ZNF521: variants seen among roughly 807,000 people sequenced by gnomAD.
ZNF521 encodes the protein LYST-interacting protein 3.
ZNF521 carries 14 observed loss-of-function variants against 105.5 expected under a neutral mutation model. The observed-to-expected ratio is 0.13, with a 90% confidence interval of 0.09 to 0.21. ZNF521 has a LOEUF of 0.21. Ranked by LOEUF, ZNF521 falls within the 10% of genes least tolerant of loss-of-function variation. The pLI is 1.00. For missense variants in ZNF521, 1,233 were observed against 1,629.7 expected (o/e 0.76, Z 4.19); for synonymous variants, 635 against 606.0 (o/e 1.05, Z -0.70).
intron 3 of ZNF521, among the ~76,000 whole-genome samples, chr18:25,308,649 T>TGG: frequency 2.7e-5 from 1 of 37,236 alleles, no homozygotes; most frequent in South Asian, 9.6e-4. Flanking sequence ...CTTAATGACA[T>TGG]CCCCCCCCCC....
Position 25,226,721 on chromosome 18 carries a change from T to C in ZNF521, c.1197A>G (p.Lys399=), listed in dbSNP as rs1906164735. The C allele has an allele frequency of 6.2e-7, 1 of 1,614,138 alleles. No individual in the cohort carries two copies. The highest frequency in any genetic ancestry group is 1.7e-5 in the Admixed American group (1 of 60,030). ...TACAGCTGTAGGTAACTTTTGCTTG[T>C]TTACTCGAGGGACCAGTCATGTCAG... The part of the protein sequence containing the change: ...QTPDMTGPSS[K]QAKVTYSCIY... Residue 399 remains lysine, a synonymous_variant, in exon 4 of 8, where the codon AAA becomes AAG. Coordinates refer to ENST00000361524, the MANE Select transcript of ZNF521 (RefSeq NM_015461.3). The surrounding 1 kb of genome is among the most constrained non-coding windows in gnomAD (Gnocchi z 4.1).
At chr18:25,252,385 C>T (rs1414665247) in intron 3 of ZNF521, among the ~76,000 whole-genome samples, 1 of 152,062 alleles carries the variant, frequency 6.6e-6, no homozygotes, top group Non-Finnish European at 1.5e-5. Flanking sequence ...CCTATTTTTC[C>T]ATCTGCTCCA....
At chr18:25,085,439 C>T (rs1249808726) in intron 7 of ZNF521, among the ~76,000 whole-genome samples, 1 of 151,758 alleles carries the variant, frequency 6.6e-6, no homozygotes, top group African/African-American at 2.4e-5. Flanking sequence ...TCTTAAAGGA[C>T]TTGTGGTTTG....
intron 2 of ZNF521, 61 bp downstream of exon 2, chr18:25,350,846 C>T: frequency 2.0e-6 from 3 of 1,532,926 alleles, no homozygotes. Flanking sequence ...AGCCCTCGCT[C>T]CGCTACCCAC....
At chr18:25,231,924 T>A (rs1264104061) in intron 3 of ZNF521, among the ~76,000 whole-genome samples, 3 of 152,182 alleles carry the variant, frequency 2.0e-5, no homozygotes, top group Non-Finnish European at 4.4e-5. Flanking sequence ...AAACTTCTGA[T>A]AATGTTCTTC....
intron 3 of ZNF521, among the ~76,000 whole-genome samples, chr18:25,243,531 A>C (rs985913765): frequency 5.9e-5 from 9 of 152,238 alleles, no homozygotes; most frequent in Non-Finnish European, 1.2e-4. Context: ...TGGTGTCAAA[A>C]TAACTGAAAT....
rs533624906 is a variant in ZNF521 at position 25,233,907 on chromosome 18, C to T, written c.221-6210G>A. On this transcript the variant is annotated intron_variant, in intron 3 of 7. Coordinates refer to ENST00000361524, the MANE Select transcript of ZNF521 (RefSeq NM_015461.3). ...GTTGCTTAAAGTTCATTTGAACAGA[C>T]GGAGCTCAATGAATTCCATCTTCCG... Among the ~76,000 whole-genome samples, 5 of 152,248 alleles carry T rather than the reference C, an allele frequency of 3.3e-5. No individual in the cohort carries two copies. In the East Asian group the frequency reaches 9.6e-4, roughly 29 times the overall value.
intron 2 of ZNF521, chr18:25,322,485 T>C: frequency 2.6e-6 from 1 of 385,504 alleles, no homozygotes; most frequent in Non-Finnish European, 4.9e-6. Context: ...AGCCTTTTAG[T>C]TTTCGCTTAA....
chr18:25,226,055 C>T lies in ZNF521; in HGVS notation c.1863G>A (p.Gln621=). 6.2e-7 allele frequency: 1 copy of T among 1,614,174 alleles called. No individual in the cohort carries two copies. Among genetic ancestry groups the T allele is most frequent in the Non-Finnish European group, 8.5e-7 (1 of 1,180,018 alleles). ...GACGTGCAGGTGCACCTCCTACTGC[C>T]TGCATCATCTTAAGAGATGTCTGCT... The part of the protein sequence containing the change: ...AIEQTSLKMM[Q]AVGGAPARPT... Residue 621 remains glutamine, a synonymous_variant, in exon 4 of 8, where the codon CAG becomes CAA. Transcript: ENST00000361524. The surrounding 1 kb of genome is among the most constrained non-coding windows in gnomAD (Gnocchi z 4.1).
chr18:25,091,333 C>T (rs958633963), intron 6 of ZNF521, among the ~76,000 whole-genome samples: 1 of 150,126 alleles, frequency 6.7e-6, no homozygotes, highest in African/African-American at 2.5e-5. Flanking sequence ...TTCAGATTTA[C>T]TTTTTTTTTT....
intron 7 of ZNF521, among the ~76,000 whole-genome samples, chr18:25,073,250 T>C (rs990773204): frequency 6.6e-6 from 1 of 152,246 alleles, no homozygotes; most frequent in Non-Finnish European, 1.5e-5. Context: ...CTTAAATTGA[T>C]AATTGCTCAG....
At chr18:25,313,423 C>T (rs551802832) in intron 3 of ZNF521, among the ~76,000 whole-genome samples, 4 of 151,768 alleles carry the variant, frequency 2.6e-5, no homozygotes, top group Admixed American at 6.6e-5. Context: ...CAAGTAAAAG[C>T]TCCTTGTCAC....
rs1908754311 is a variant in ZNF521, at chr18:25,259,458, C to T, written c.221-31761G>A. On this transcript the variant is annotated intron_variant, in intron 3 of 7. Coordinates refer to ENST00000361524, the MANE Select transcript of ZNF521 (RefSeq NM_015461.3). ...TGTACACTGTGATGCACTCAAGGGG[C>T]TAATATCTAGCTGGGGATCAGATTA... is the stretch of plus-strand genomic sequence containing the variant. Among the ~76,000 whole-genome samples the T allele has an allele frequency of 2.0e-5, 3 of 152,236 alleles. No homozygotes were observed. The South Asian group carries it at 6.2e-4, about 32-fold the overall frequency.
chr18:25,283,850 T>G (rs954904649), intron 3 of ZNF521, among the ~76,000 whole-genome samples: 1 of 151,904 alleles, frequency 6.6e-6, no homozygotes, highest in Non-Finnish European at 1.5e-5. Context: ...ACGGAATCAG[T>G]TGAAGAAAAA....
At chr18:25,109,352 T>G (rs1371868027) in intron 5 of ZNF521, among the ~76,000 whole-genome samples, 2 of 152,194 alleles carry the variant, frequency 1.3e-5, no homozygotes, top group Non-Finnish European at 2.9e-5. Context: ...TATCCAATCA[T>G]CCATTGATGG....
chr18:25,350,814 C>T, intron 2 of ZNF521, 93 bp downstream of exon 2: 4 of 1,411,000 alleles, frequency 2.8e-6, no homozygotes, highest in Non-Finnish European at 3.8e-6. Flanking sequence ...CACTCACGCG[C>T]GCACACGCCT....
At position 25,227,941 on chromosome 18, in the gene ZNF521, C is replaced by A. The variant is rs1325920215; in HGVS notation, c.221-244G>T. Among the ~76,000 whole-genome samples the A allele has an allele frequency of 6.6e-6, 1 of 152,092 alleles. No homozygotes were observed. The highest frequency in any genetic ancestry group is 1.5e-5 in the Non-Finnish European group (1 of 68,012). On this transcript the variant is annotated intron_variant, in intron 3 of 7. Transcript: ENST00000361524. This position sits in a 1 kb window ranked among gnomAD's most constrained non-coding sequence, Gnocchi z 5.7. ...ATTAAATAGTTCTATGTCTAAATTA[C>A]CCTTTTATTACTTTTTATCATTCTT...
In ZNF521 at chr18:25,322,088, T is replaced by C; in HGVS notation, c.140A>G (p.His47Arg). Residue 47 changes from histidine to arginine, a missense_variant, in exon 3 of 8, where the codon CAC becomes CGC. Transcript: ENST00000361524. ...DGEELEDEAV[H>R]SCDSCLQVFE... is the part of the protein sequence containing the mutation. ...CACCTGGAGGCAGCTGTCACAGCTG[T>C]GCACAGCTTCGTCTTCCAACTCCTC... 6.2e-7 allele frequency: 1 copy of C among 1,614,238 alleles called. No homozygotes were observed. Among genetic ancestry groups the C allele is most frequent in the Non-Finnish European group, 8.5e-7 (1 of 1,180,048 alleles).
intron 5 of ZNF521, among the ~76,000 whole-genome samples, chr18:25,152,478 C>CAA (rs529986628): frequency 7.8e-5 from 7 of 89,502 alleles, no homozygotes; most frequent in African/African-American, 2.3e-4. Context: ...GACTCGGTCT[C>CAA]AAAAAAAAAA....
Sources: gnomAD v4.1 joint callset for allele counts (sites outside exome capture counted in the v4.1 genomes callset) on GRCh38, gnomAD v4.1.1 for gene constraint, Gnocchi (gnomAD v3.1) non-coding constraint, MANE v1.5 for transcripts, NCBI Gene and HGNC (gene_info 2026-07-23, HGNC 2026-07-21) for gene names.